Variants in SLC4A5 observed in about 807,000 individuals in gnomAD.
SLC4A5 encodes the protein solute carrier family 4 member 5, also known as electrogenic sodium bicarbonate cotransporter 4.
In SLC4A5, 96 loss-of-function variants were observed where a neutral mutation model predicts 120.4. The observed-to-expected ratio is 0.80, with a 90% CI of 0.68 to 0.94. The LOEUF is 0.94. Ranked by LOEUF, SLC4A5 falls within the 40% of genes least tolerant of loss-of-function variation. The probability of loss-of-function intolerance (pLI) is 0.00; values close to 1 mark genes in which losing one functional copy is unlikely to be tolerated. For synonymous variants in SLC4A5, 550 were observed against 571.1 expected (o/e 0.96, Z 0.53); for missense variants, 1,259 against 1,459.5 (o/e 0.86, Z 2.24).
rs190304755 is a variant in SLC4A5, at chr2:74,220,762, C to T, written c.*33+672G>A. ...CCATCTCCTGACCTTGTGATCTGCCCGCCTCAGCCTCCCAAAGTGCTGGGA... is the reference window on the plus strand; with the variant it reads ...CCATCTCCTGACCTTGTGATCTGCCTGCCTCAGCCTCCCAAAGTGCTGGGA... On this transcript the variant is annotated intron_variant, in intron 30 of 30. Coordinates refer to ENST00000394019, the Ensembl canonical transcript of SLC4A5. Among the ~76,000 whole-genome samples the T allele has an allele frequency of 9.2e-4, 139 of 150,760 alleles. 2 individuals are homozygous for T. The highest frequency in any genetic ancestry group is 2.9e-3 in the African/African-American group (119 of 40,688).
intron 28 of SLC4A5, among the ~76,000 whole-genome samples, chr2:74,223,956 G>A (rs537449126): frequency 2.0e-5 from 3 of 152,220 alleles, no homozygotes; most frequent in Non-Finnish European, 4.4e-5. Context: ...ATGCAGGGAC[G>A]TGAGTTTGGG....
chr2:74,247,222 C>CT lies in SLC4A5; in HGVS notation c.1872_1873insA (p.Ala625SerfsTer61). On this transcript the variant is annotated frameshift_variant, in exon 19 of 31. Transcript: ENST00000394019. LOFTEE classifies it high-confidence loss of function. The stretch of plus-strand genomic sequence containing the variant: ...GTGATATATTTGATGATAAAGCTGG[C>CT]ATCTGTGGCCACTAGGATAAGGCAC... 6.2e-7 allele frequency: 1 copy of CT among 1,614,202 alleles called. No homozygotes were observed. The highest frequency in any genetic ancestry group is 1.1e-5 in the South Asian group (1 of 91,090).
chr2:74,261,882 T>C (rs6737112), intron 11 of SLC4A5, among the ~76,000 whole-genome samples: 9,447 of 152,160 alleles, frequency 0.062, 585 homozygotes, highest in African/African-American at 0.16. Context: ...ACCTAGAATA[T>C]GGGAGTGGGT....
At chr2:74,235,059 G>T in intron 22 of SLC4A5, 42 bp downstream of exon 22, 1 of 1,467,872 alleles carries the variant, frequency 6.8e-7, no homozygotes, top group Non-Finnish European at 9.5e-7. Flanking sequence ...GCAGCTGGTA[G>T]GCAGGCAGAC....
At chr2:74,312,461 C>T (rs972272551) in intron 6 of SLC4A5, among the ~76,000 whole-genome samples, 1 of 151,988 alleles carries the variant, frequency 6.6e-6, no homozygotes, top group African/African-American at 2.4e-5. Context: ...AACTCTTGAC[C>T]TCAAGTGATC....
chr2:74,232,131 C>T (rs899588007), intron 24 of SLC4A5, among the ~76,000 whole-genome samples: 4 of 152,176 alleles, frequency 2.6e-5, no homozygotes, highest in Middle Eastern at 3.4e-3. Context: ...GCAGTAGGGG[C>T]CTGGAGGGTC....
At chr2:74,267,938 T>C (rs951449861) in intron 8 of SLC4A5, among the ~76,000 whole-genome samples, 2 of 151,628 alleles carry the variant, frequency 1.3e-5, no homozygotes, top group African/African-American at 4.8e-5. Context: ...TGAGCCGAGA[T>C]GGCACCACTG....
At chr2:74,275,462 AC>A (rs951856960) in intron 8 of SLC4A5, among the ~76,000 whole-genome samples, 3 of 152,194 alleles carry the variant, frequency 2.0e-5, no homozygotes, top group Admixed American at 6.5e-5. Context: ...ACTGTCATCT[AC>A]GCAGTGGTCT....
At chr2:74,315,799 C>T (rs915179897) in intron 5 of SLC4A5, among the ~76,000 whole-genome samples, 6 of 150,338 alleles carry the variant, frequency 4.0e-5, no homozygotes, top group African/African-American at 7.3e-5. Flanking sequence ...TCTATCTCTA[C>T]GAAAAAGAAA....
rs2104007112 is a variant in SLC4A5, at chr2:74,255,687, A to G, written c.1025+88T>C. The G allele has an allele frequency of 6.7e-7, 1 of 1,489,156 alleles. No homozygotes were observed. The highest frequency in any genetic ancestry group is 1.9e-5 in the Admixed American group (1 of 53,042). 92.2% of individuals were successfully genotyped at this position (1,489,156 alleles called of 1,614,324 possible). A position where few individuals can be genotyped will look rare whatever the true frequency, so the allele number is the denominator to read the frequency against. On this transcript the variant is annotated intron_variant, in intron 13 of 30. Transcript: ENST00000394019. The surrounding 1 kb of genome is among the most constrained non-coding windows in gnomAD (Gnocchi z 4.0). ...TCCACGTTTAGAGGTGCCTTTGAGA[A>G]CACTAACAGTCAACAGCACTGCTTG...
chr2:74,300,329 G>T (rs1304590504), intron 7 of SLC4A5, among the ~76,000 whole-genome samples: 1 of 152,178 alleles, frequency 6.6e-6, no homozygotes, highest in Admixed American at 6.5e-5. Context: ...GAGATCTTAA[G>T]TGTTCTTACC....
chr2:74,236,214 C>T (rs753924602), intron 21 of SLC4A5, among the ~76,000 whole-genome samples: 16 of 152,118 alleles, frequency 1.1e-4, no homozygotes, highest in Non-Finnish European at 1.5e-4. Context: ...TATGCATATA[C>T]TTTAATATTT....
intron 8 of SLC4A5, among the ~76,000 whole-genome samples, chr2:74,271,521 C>G (rs1204899052): frequency 6.6e-6 from 1 of 152,136 alleles, no homozygotes; most frequent in African/African-American, 2.4e-5. Context: ...TTAATTAATT[C>G]AGGCTCAGTG....
intron 3 of SLC4A5, among the ~76,000 whole-genome samples, chr2:74,337,229 G>C (rs1673511779): frequency 6.6e-6 from 1 of 152,144 alleles, no homozygotes; most frequent in South Asian, 2.1e-4. Context: ...GTGTATCTAG[G>C]CCAAGAGGAC....
chr2:74,298,649 G>T (rs1045538089), intron 7 of SLC4A5, among the ~76,000 whole-genome samples: 1 of 152,148 alleles, frequency 6.6e-6, no homozygotes, highest in Non-Finnish European at 1.5e-5. Flanking sequence ...CACAGAATGG[G>T]AGAAAAGATT....
chr2:74,287,006 C>T (rs1672005470), intron 7 of SLC4A5, among the ~76,000 whole-genome samples: 1 of 152,080 alleles, frequency 6.6e-6, no homozygotes, highest in Non-Finnish European at 1.5e-5. Context: ...TCATCATTAC[C>T]TCACCTCCCT....
intron 2 of SLC4A5, among the ~76,000 whole-genome samples, chr2:74,341,092 G>A (rs931634248): frequency 3.3e-5 from 5 of 152,094 alleles, no homozygotes; most frequent in African/African-American, 1.2e-4. Context: ...ATCGCCTGAG[G>A]TCAGGAGTTC....
intron 8 of SLC4A5, among the ~76,000 whole-genome samples, chr2:74,276,848 G>A (rs1490095688): frequency 2.6e-5 from 4 of 152,034 alleles, no homozygotes. Flanking sequence ...TGGAATCGCT[G>A]TGGGATGGTC....
At chr2:74,222,297 T>G (rs1290635188) in intron 29 of SLC4A5, among the ~76,000 whole-genome samples, 1 of 152,124 alleles carries the variant, frequency 6.6e-6, no homozygotes, top group African/African-American at 2.4e-5. Flanking sequence ...TGGGGACACC[T>G]GGGGAAAGGA....
Sources: allele counts gnomAD v4.1 joint callset (sites outside exome capture counted in the v4.1 genomes callset), GRCh38; gene constraint gnomAD v4.1.1; non-coding constraint Gnocchi (gnomAD v3.1); transcripts MANE v1.5; gene names NCBI Gene and HGNC (gene_info 2026-07-23, HGNC 2026-07-21).